Variants in FSIP2 observed in about 807,000 individuals in gnomAD.
The protein encoded by FSIP2 is fibrous sheath-interacting protein 2.
Under a neutral mutation model 510.5 loss-of-function variants are expected in FSIP2, and 367 were observed. The ratio of observed to expected loss-of-function variants is 0.72; its 90% confidence interval spans 0.66 to 0.78. The LOEUF is 0.78. Among genes scored for constraint, FSIP2 ranks in the 30% least tolerant of loss-of-function variants. FSIP2 has a pLI of 0.00. For missense variants in FSIP2, 7,594 were observed against 7,901.7 expected, an observed-to-expected ratio of 0.96 and a Z score of 1.48; for synonymous variants, 2,601 against 2,732.2, an observed-to-expected ratio of 0.95 and a Z score of 1.50.
rs1209635535 is a variant in FSIP2, at chr2:185,792,789, T to C, written c.5653T>C (p.Tyr1885His). ...AAATGTTTCTTCTCATGAACACACC[T>C]ATAAAGGAAAGTCCTCTGTCACGGC... ...SANVSSHEHT[Y>H]KGKSSVTALD... is the part of the protein sequence containing the mutation. Residue 1885 changes from tyrosine (Y) to histidine (H), a missense_variant, in exon 16 of 23, where the codon TAT becomes CAT. Coordinates refer to ENST00000424728, the MANE Select transcript of FSIP2 (RefSeq NM_173651.4). 6.5e-7 allele frequency: 1 copy of C among 1,534,202 alleles called. No homozygotes were observed.
Position 185,802,160 on chromosome 2 carries a change from TTC to T in FSIP2, c.12856_12857del (p.Leu4286GlufsTer2). On this transcript the variant is annotated frameshift_variant, in exon 17 of 23. Coordinates refer to ENST00000424728, the MANE Select transcript of FSIP2 (RefSeq NM_173651.4). LOFTEE classifies it high-confidence loss of function. ...CCAGTGTCTACTATTGTTACACAGG[TTC>T]TGAGTGAAGTGATAGAGTCACACAG... 1 of 1,533,200 alleles carries T rather than the reference TTC, an allele frequency of 6.5e-7. No individual in the cohort carries two copies. Among genetic ancestry groups the T allele is most frequent in the South Asian group, 1.2e-5 (1 of 83,936 alleles). 95.0% of individuals were successfully genotyped at this position (1,533,200 alleles called of 1,614,324 possible).
chr2:185,798,617 T>G (rs1693354409), intron 16 of FSIP2, among the ~76,000 whole-genome samples: 1 of 151,862 alleles, frequency 6.6e-6, no homozygotes, highest in Admixed American at 6.6e-5. Context: ...CCTACCCACC[T>G]GCACGAGGAG....
intron 13 of FSIP2, chr2:185,766,601 A>T (rs1394464205): frequency 2.0e-5 from 3 of 149,890 alleles, no homozygotes; most frequent in South Asian, 2.2e-4. Context: ...AGAAATGCAA[A>T]TCAAAACCAC....
At chr2:185,828,515 C>G (rs1694054069) in intron 21 of FSIP2, among the ~76,000 whole-genome samples, 1 of 151,806 alleles carries the variant, frequency 6.6e-6, no homozygotes, top group African/African-American at 2.4e-5. Flanking sequence ...CAGAAAAACA[C>G]TAGAGGGAGT....
chr2:185,815,243 C>T (rs1211107805), intron 18 of FSIP2, 128 bp from the exon 19 acceptor site: 7 of 591,728 alleles, frequency 1.2e-5, no homozygotes, highest in African/African-American at 2.0e-5. Flanking sequence ...AGGGCCCACA[C>T]CCATCTTTTA....
chr2:185,776,820 C>T (rs924959578), intron 13 of FSIP2, among the ~76,000 whole-genome samples: 67 of 150,498 alleles, frequency 4.5e-4, no homozygotes, highest in East Asian at 9.8e-4. Flanking sequence ...CTGCAACTTC[C>T]GCCTCCCGGG....
intron 13 of FSIP2, among the ~76,000 whole-genome samples, chr2:185,776,261 C>G (rs2105584822): frequency 6.6e-6 from 1 of 152,148 alleles, no homozygotes; most frequent in East Asian, 1.9e-4. Context: ...CAAAGTGAGA[C>G]TCCATCTCAA....
chr2:185,805,296 T>C lies in FSIP2; in HGVS notation c.15990T>C (p.Val5330=). Residue 5330 remains valine (V), a synonymous_variant, in exon 17 of 23, where the codon GTT becomes GTC. Transcript: ENST00000424728. ...AATTTAAGAAAAGTGATATTAAAGT[T>C]TTACCAAATGCTGAAAAAATGTTTT... ...IREFKKSDIK[V]LPNAEKMFSF... The C allele has an allele frequency of 3.1e-6, 5 of 1,595,604 alleles. No homozygotes were observed. The highest frequency in any genetic ancestry group is 4.3e-6 in the Non-Finnish European group (5 of 1,173,954).
At chr2:185,815,557 T>A in intron 19 of FSIP2, 86 bp downstream of exon 19, 1 of 568,362 alleles carries the variant, frequency 1.8e-6, no homozygotes, top group Non-Finnish European at 3.1e-6. Context: ...AAACTGTAAT[T>A]GAGCAAGTAT....
chr2:185,821,043 C>T (rs1456504341), intron 19 of FSIP2, among the ~76,000 whole-genome samples: 5 of 103,088 alleles, frequency 4.9e-5, no homozygotes, highest in African/African-American at 1.8e-4. Context: ...AAAAAATCAA[C>T]GAAATTGACA....
At position 185,804,449 on chromosome 2, in the gene FSIP2, G is replaced by C; in HGVS notation, c.15143G>C (p.Ser5048Thr). The C allele has an allele frequency of 5.3e-6, 8 of 1,517,476 alleles. No individual in the cohort carries two copies. The highest frequency in any genetic ancestry group is 7.0e-6 in the Non-Finnish European group (8 of 1,135,234). The allele number at this position is 1,517,476 out of a possible 1,614,324, so 94.0% of individuals were successfully genotyped here. Residue 5048 changes from serine to threonine, a missense_variant, in exon 17 of 23, where the codon AGT (serine) becomes ACT (threonine). Ser to Thr is a moderately conservative substitution (Grantham distance 58). Transcript: ENST00000424728. ...SLIQIHRVIQ[S>T]DTICFGRKIY... The stretch of plus-strand genomic sequence containing the variant: ...ATTCAAATACATAGGGTTATACAAA[G>C]TGACACAATATGTTTTGGTAGGAAA...
At position 185,789,651 on chromosome 2, in the gene FSIP2, C is replaced by A. The variant is rs1199473145; in HGVS notation, c.2515C>A (p.Gln839Lys). The A allele has an allele frequency of 1.3e-6, 2 of 1,533,994 alleles. No homozygotes were observed. The highest frequency in any genetic ancestry group is 2.0e-5 in the Admixed American group (1 of 50,728). Reference sequence around the variant, plus strand: ...GCTAATGACTCTTGTTTCTTTTAAGCAAAATGAATTTCTTCATCTTAAAGA... The same window carrying A: ...GCTAATGACTCTTGTTTCTTTTAAGAAAAATGAATTTCTTCATCTTAAAGA... ...EKLMTLVSFK[Q>K]NEFLHLKDTN... The change falls in exon 16 of 23, where the codon CAA becomes AAA. Residue 839 changes from glutamine to lysine, a missense_variant. Transcript: ENST00000424728.
chr2:185,747,450 G>A (rs1692056382), intron 7 of FSIP2, 27 bp downstream of exon 7: 1 of 1,258,116 alleles, frequency 7.9e-7, no homozygotes, highest in Non-Finnish European at 1.1e-6. Context: ...CCTCTAACTT[G>A]AGCTGTTCGA....
rs1450683339 is a variant in FSIP2 at position 185,792,741 on chromosome 2, T to G, written c.5605T>G (p.Tyr1869Asp). 2 of 1,534,146 alleles carry G rather than the reference T, an allele frequency of 1.3e-6. No individual in the cohort carries two copies. The highest frequency in any genetic ancestry group is 3.9e-5 in the Admixed American group (2 of 50,848). ...MTERNVRENR[Y>D]KTITFSANVS... ...AGAAAGAAATGTAAGGGAAAATAGG[T>G]ATAAAACTATCACTTTTTCAGCAAA... Residue 1869 changes from tyrosine (Y) to aspartate (D), a missense_variant, in exon 16 of 23, where the codon TAT (tyrosine) becomes GAT (aspartate). Physicochemically the swap from Tyr to Asp is radical, Grantham distance 160. Coordinates refer to ENST00000424728, the MANE Select transcript of FSIP2 (RefSeq NM_173651.4).
At chr2:185,739,638 T>A (rs1003977972) in intron 2 of FSIP2, among the ~76,000 whole-genome samples, 167 bp downstream of exon 2, 1 of 152,238 alleles carries the variant, frequency 6.6e-6, no homozygotes, top group Admixed American at 6.5e-5. Flanking sequence ...TATGAAGCAC[T>A]TTCATCTTAA....
upstream of FSIP2, among the ~76,000 whole-genome samples, chr2:185,737,164 A>G (rs1484743994): frequency 6.6e-6 from 1 of 152,238 alleles, no homozygotes; most frequent in Non-Finnish European, 1.5e-5. Flanking sequence ...AGCACTTCCA[A>G]TACACTGGTT....
At position 185,796,264 on chromosome 2, in the gene FSIP2, TACA is replaced by T; in HGVS notation, c.9131_9133del (p.Gln3044del). 1 of 1,532,434 alleles carries T rather than the reference TACA, an allele frequency of 6.5e-7. No individual in the cohort carries two copies. Among genetic ancestry groups the T allele is most frequent in the South Asian group, 1.2e-5 (1 of 83,276 alleles). 94.9% of individuals were successfully genotyped at this position (1,532,434 alleles called of 1,614,324 possible). A position where few individuals can be genotyped will look rare whatever the true frequency, so the allele number is the denominator to read the frequency against. ...TTAAACAAAAAAATGTTGCCAAAAT[TACA>T]ACCACTGAAAATGTTTTCTGATAAA... On this transcript the variant is annotated inframe_deletion, in exon 16 of 23. Coordinates refer to ENST00000424728, the MANE Select transcript of FSIP2 (RefSeq NM_173651.4).
chr2:185,778,627 A>C, intron 13 of FSIP2, among the ~76,000 whole-genome samples: 1 of 151,956 alleles, frequency 6.6e-6, no homozygotes, highest in East Asian at 1.9e-4. Flanking sequence ...TACCAACCAT[A>C]AAGAGGAATC....
Position 185,761,025 on chromosome 2 carries a change from TTCAAATAATTTTACGA to T in FSIP2, c.1117_1132del (p.Ser373LysfsTer18). 1 of 1,506,066 alleles carries T rather than the reference TTCAAATAATTTTACGA, an allele frequency of 6.6e-7. No homozygotes were observed. The highest frequency in any genetic ancestry group is 8.9e-7 in the Non-Finnish European group (1 of 1,124,642). 93.3% of individuals were successfully genotyped at this position (1,506,066 alleles called of 1,614,324 possible). ...ATGCTGCTCATCAGCGTCAAAATAG[TTCAAATAATTTTACGA>T]AAAAAAACTCAGCTTCTGTTGTTTA... On this transcript the variant is annotated frameshift_variant, in exon 10 of 23. Coordinates refer to ENST00000424728, the MANE Select transcript of FSIP2 (RefSeq NM_173651.4). LOFTEE classifies it high-confidence loss of function.
Sources: allele counts gnomAD v4.1 joint callset (sites outside exome capture counted in the v4.1 genomes callset), GRCh38; gene constraint gnomAD v4.1.1; transcripts MANE v1.5; gene names NCBI Gene and HGNC (gene_info 2026-07-23, HGNC 2026-07-21).